Variants in MRC2 observed in about 807,000 individuals in gnomAD.
MRC2 encodes mannose receptor C-type 2, also known as C-type mannose receptor 2.
In MRC2, 84 loss-of-function variants were observed where a neutral mutation model predicts 206.2. That is an observed-to-expected ratio of 0.41 (90% CI 0.34 to 0.49). The LOEUF is 0.49. MRC2 is among the 20% of genes least tolerant of loss of function. The probability of loss-of-function intolerance (pLI) is 0.31; values close to 1 mark genes in which losing one functional copy is unlikely to be tolerated. For synonymous variants in MRC2, 798 were observed against 800.0 expected, an observed-to-expected ratio of 1.00 and a Z score of 0.04; for missense variants, 1,676 against 2,001.5, an observed-to-expected ratio of 0.84 and a Z score of 3.10.
intron 1 of MRC2, among the ~76,000 whole-genome samples, chr17:62,644,980 T>C (rs2088457777): frequency 6.6e-6 from 1 of 152,058 alleles, no homozygotes; most frequent in Admixed American, 6.6e-5. Context: ...GGGTGGAGGG[T>C]TCAAACGCTG....
rs1268525209 is a variant in MRC2, at chr17:62,640,033, T to TG, written c.118+12113_118+12114insG. ...CATGCCCAGCTTTTTTTTTTTTTTT[T>TG]TTTTTTTTGTATTTTTAGTAGAGAC... is the stretch of plus-strand genomic sequence containing the variant. On this transcript the variant is annotated intron_variant, in intron 1 of 29. Coordinates refer to ENST00000303375, the MANE Select transcript of MRC2 (RefSeq NM_006039.5). Among the ~76,000 whole-genome samples the TG allele has an allele frequency of 1.2e-3, 119 of 95,782 alleles. 1 individual carries two copies. Among genetic ancestry groups the TG allele is most frequent in the African/African-American group, 4.9e-3 (115 of 23,688 alleles). The allele number at this position is 95,782 out of a possible 152,430, so 62.8% of individuals were successfully genotyped here.
Position 62,680,134 on chromosome 17 carries a change from C to A in MRC2, c.2299-36C>A. 6.2e-7 allele frequency: 1 copy of A among 1,613,262 alleles called. No individual in the cohort carries two copies. The highest frequency in any genetic ancestry group is 8.5e-7 in the Non-Finnish European group (1 of 1,179,592). Reference sequence around the variant, plus strand: ...GCATGGGGGCGGCCTGCACCTTGCGCCTCACGTTCCTCTTCCCTCCACCCG... The same window carrying A: ...GCATGGGGGCGGCCTGCACCTTGCGACTCACGTTCCTCTTCCCTCCACCCG... On this transcript the variant is annotated intron_variant, in intron 14 of 29. Coordinates refer to ENST00000303375, the MANE Select transcript of MRC2 (RefSeq NM_006039.5). The surrounding 1 kb of genome is among the most constrained non-coding windows in gnomAD (Gnocchi z 4.8).
In MRC2 at chr17:62,680,855, C is replaced by T. The variant is rs372649248; in HGVS notation, c.2529C>T (p.His843=). 5.0e-6 allele frequency: 8 copies of T among 1,612,968 alleles called. No individual in the cohort carries two copies. Among genetic ancestry groups the T allele is most frequent in the Non-Finnish European group, 6.8e-6 (8 of 1,179,948 alleles). The change falls in exon 17 of 30, where the codon CAC becomes CAT. Residue 843 remains histidine, a synonymous_variant. Transcript: ENST00000303375. The surrounding 1 kb of genome is among the most constrained non-coding windows in gnomAD (Gnocchi z 4.8). ...QEAEYKFFEH[H]STWAQAQRIC... is the part of the protein sequence containing the mutation. ...CCGAGTACAAGTTCTTTGAGCACCA[C>T]TCCACGTGGGCGCAGGCGCAGCGCA...
rs200249204 is a variant in MRC2, at chr17:62,671,852, G to A, written c.1306+15G>A. ...GATCAAGCAAGGTGAGGAGCTGCCCGCCCACGTGTCTGGGTGGAGGGCAGG... is the reference window on the plus strand; with the variant it reads ...GATCAAGCAAGGTGAGGAGCTGCCCACCCACGTGTCTGGGTGGAGGGCAGG... On this transcript the variant is annotated intron_variant, in intron 7 of 29. Coordinates refer to ENST00000303375, the MANE Select transcript of MRC2 (RefSeq NM_006039.5). This position sits in a 1 kb window ranked among gnomAD's most constrained non-coding sequence, Gnocchi z 4.5. 7.4e-4 allele frequency: 1,180 copies of A among 1,587,028 alleles called. 1 individual carries two copies. The highest frequency in any genetic ancestry group is 9.0e-4 in the Non-Finnish European group (1,042 of 1,163,000).
At chr17:62,668,104 C>G (rs553072255) in intron 6 of MRC2, among the ~76,000 whole-genome samples, 1 of 152,272 alleles carries the variant, frequency 6.6e-6, no homozygotes, top group East Asian at 1.9e-4. Context: ...CACCTATAAT[C>G]CCAGCACTTT....
intron 13 of MRC2, 86 bp downstream of exon 13, chr17:62,678,732 G>T (rs1399368557): frequency 6.4e-6 from 10 of 1,557,640 alleles, no homozygotes; most frequent in Non-Finnish European, 8.7e-6. Flanking sequence ...GTTTTGTTGG[G>T]CGAGCAGGGG....
intron 12 of MRC2, among the ~76,000 whole-genome samples, chr17:62,677,942 C>T (rs1407180411): frequency 2.0e-5 from 3 of 152,072 alleles, no homozygotes; most frequent in Non-Finnish European, 4.4e-5. Context: ...CCCAGCTACT[C>T]GGGAGGCTGA....
chr17:62,682,000 C>G, intron 19 of MRC2, 63 bp downstream of exon 19: 2 of 1,430,734 alleles, frequency 1.4e-6, no homozygotes, highest in South Asian at 2.5e-5. Flanking sequence ...CTGGGCGAGC[C>G]TGGGCAGAAG....
At position 62,686,676 on chromosome 17, in the gene MRC2, G is replaced by T. The variant is rs561672470; in HGVS notation, c.2947-1613G>T. Among the ~76,000 whole-genome samples, 56 of 152,304 alleles carry T rather than the reference G, an allele frequency of 3.7e-4. 1 individual carries two copies. The South Asian group carries it at 4.8e-3, about 13-fold the overall frequency. ...CCCCTTAATACACTTGCACATGGCA[G>T]GGATGCCCTCAGTGTCGGCTGGACT... On this transcript the variant is annotated intron_variant, in intron 20 of 29. Transcript: ENST00000303375.
chr17:62,646,418 A>G (rs2088486527), intron 1 of MRC2, among the ~76,000 whole-genome samples: 1 of 152,066 alleles, frequency 6.6e-6, no homozygotes, highest in Admixed American at 6.6e-5. Context: ...CCTCAGCCCC[A>G]AAGTGCTGTG....
Position 62,627,833 on chromosome 17 carries a change from T to C in MRC2, c.31T>C (p.Trp11Arg). 6.8e-7 allele frequency: 1 copy of C among 1,465,190 alleles called. No homozygotes were observed. Among genetic ancestry groups the C allele is most frequent in the Admixed American group, 2.5e-5 (1 of 39,540 alleles). 90.8% of individuals were successfully genotyped at this position (1,465,190 alleles called of 1,614,324 possible). A position where few individuals can be genotyped will look rare whatever the true frequency, so the allele number is the denominator to read the frequency against. Reference sequence around the variant, plus strand: ...GCCCGGCCGGCCGGCCCCCGCGCCCTGGCCTCGTCACCTGCTGCGCTGCGT... The same window carrying C: ...GCCCGGCCGGCCGGCCCCCGCGCCCCGGCCTCGTCACCTGCTGCGCTGCGT... MGPGRPAPAP[W>R]PRHLLRCVLL... is the part of the protein sequence containing the mutation. Residue 11 changes from tryptophan (W) to arginine (R), a missense_variant, in exon 1 of 30, where the codon TGG (tryptophan) becomes CGG (arginine). Physicochemically the swap from Trp to Arg is moderately radical, Grantham distance 101 (BLOSUM62 -3). Transcript: ENST00000303375.
chr17:62,675,672 T>A lies in MRC2; in HGVS notation c.1570-118T>A. The A allele has an allele frequency of 2.5e-6, 2 of 792,310 alleles. No homozygotes were observed. Among genetic ancestry groups the A allele is most frequent in the Non-Finnish European group, 4.3e-6 (2 of 460,224 alleles). The allele number at this position is 792,310 out of a possible 1,614,324, so 49.1% of individuals were successfully genotyped here. A position where few individuals can be genotyped will look rare whatever the true frequency, so the allele number is the denominator to read the frequency against. On this transcript the variant is annotated intron_variant, in intron 9 of 29. Coordinates refer to ENST00000303375, the MANE Select transcript of MRC2 (RefSeq NM_006039.5). This position sits in a 1 kb window ranked among gnomAD's most constrained non-coding sequence, Gnocchi z 4.1. ...CAGCCCAGTACTCAAACCAGTCCCC[T>A]CCGTCCTGAGCACGTTCAGTGATGT...
At position 62,680,698 on chromosome 17, in the gene MRC2, T is replaced by C; in HGVS notation, c.2474-102T>C. 7.3e-7 allele frequency: 1 copy of C among 1,366,808 alleles called. No individual in the cohort carries two copies. The highest frequency in any genetic ancestry group is 2.8e-5 in the East Asian group (1 of 35,896). The allele number at this position is 1,366,808 out of a possible 1,614,324, so 84.7% of individuals were successfully genotyped here. A position where few individuals can be genotyped will look rare whatever the true frequency, so the allele number is the denominator to read the frequency against. ...GGTCCGGTGTGCCTGCAGGCTCGCC[T>C]GCTGCCGCCTGGCTCTGCCCCGGCC... On this transcript the variant is annotated intron_variant, in intron 16 of 29. Coordinates refer to ENST00000303375, the MANE Select transcript of MRC2 (RefSeq NM_006039.5). This position sits in a 1 kb window ranked among gnomAD's most constrained non-coding sequence, Gnocchi z 4.8.
At chr17:62,690,373 C>T in intron 26 of MRC2, 68 bp downstream of exon 26, 1 of 1,533,000 alleles carries the variant, frequency 6.5e-7, no homozygotes. Flanking sequence ...CACTCAGACC[C>T]ATGAGTACAT....
rs2147474479 is a variant in MRC2, at chr17:62,674,125, C to T, written c.1524C>T (p.Gly508=). The T allele has an allele frequency of 1.3e-6, 2 of 1,555,372 alleles. No individual in the cohort carries two copies. The highest frequency in any genetic ancestry group is 1.4e-5 in the African/African-American group (1 of 73,462). Residue 508 remains glycine (G), a synonymous_variant, in exon 9 of 30, where the codon GGC becomes GGT. Transcript: ENST00000303375. ...QSLPSICKKA[G]QLSQGAAEED... ...TGCCATCCATCTGCAAGAAGGCAGG[C>T]CAGCTGAGCCAGGGGGCCGCCGAGG...
chr17:62,629,132 G>A (rs544832093), intron 1 of MRC2, among the ~76,000 whole-genome samples: 4 of 152,360 alleles, frequency 2.6e-5, no homozygotes, highest in African/African-American at 7.2e-5. Context: ...ACACAAACCA[G>A]GCCGGGTAAC....
rs1267614992 is a variant in MRC2 at position 62,652,400 on chromosome 17, G to C, written c.119-12148G>C. ...ATGGGGTCCCCGCGAGGGCACAAGTGATCGCGTGGCCACGGCGAGGCTCTG... is the reference window on the plus strand; with the variant it reads ...ATGGGGTCCCCGCGAGGGCACAAGTCATCGCGTGGCCACGGCGAGGCTCTG... On this transcript the variant is annotated intron_variant, in intron 1 of 29. Coordinates refer to ENST00000303375, the MANE Select transcript of MRC2 (RefSeq NM_006039.5). This position sits in a 1 kb window ranked among gnomAD's most constrained non-coding sequence, Gnocchi z 4.6. Among the ~76,000 whole-genome samples the C allele has an allele frequency of 4.6e-5, 7 of 152,376 alleles. No individual in the cohort carries two copies. The South Asian group carries it at 1.4e-3, about 32-fold the overall frequency.
chr17:62,689,881 C>A lies in MRC2; in HGVS notation c.3574-13C>A. 6.3e-7 allele frequency: 1 copy of A among 1,580,558 alleles called. No homozygotes were observed. The highest frequency in any genetic ancestry group is 8.6e-7 in the Non-Finnish European group (1 of 1,163,892). On this transcript the variant is annotated splice_polypyrimidine_tract_variant and intron_variant, in intron 24 of 29. Transcript: ENST00000303375. The stretch of plus-strand genomic sequence containing the variant: ...TATTCCCTTCCTCCCACCCCATGGC[C>A]CCCCATGCCCAGGGCTCTCGGCGGT...
chr17:62,665,734 C>T (rs1294478143), intron 2 of MRC2, among the ~76,000 whole-genome samples: 1 of 152,180 alleles, frequency 6.6e-6, no homozygotes, highest in Admixed American at 6.5e-5. Flanking sequence ...CGAGATAGAA[C>T]TTTGTGGGGA....
Sources: gnomAD v4.1 joint callset for allele counts (sites outside exome capture counted in the v4.1 genomes callset) on GRCh38, gnomAD v4.1.1 for gene constraint, Gnocchi (gnomAD v3.1) non-coding constraint, MANE v1.5 for transcripts, NCBI Gene and HGNC (gene_info 2026-07-23, HGNC 2026-07-21) for gene names.